PPM1H: variants seen among roughly 807,000 people sequenced by gnomAD.
PPM1H encodes the protein protein phosphatase 1H.
PPM1H carries 27 observed loss-of-function variants against 54.9 expected under a neutral mutation model. The ratio of observed to expected loss-of-function variants is 0.49; its 90% CI spans 0.36 to 0.68. The LOEUF (loss-of-function observed/expected upper bound fraction) is 0.68, where lower values mean the gene tolerates loss of function less well. Ranked by LOEUF, PPM1H falls within the 30% of genes least tolerant of loss-of-function variation. PPM1H has a pLI of 0.00. For synonymous variants in PPM1H, 305 were observed against 270.8 expected, an observed-to-expected ratio of 1.13 and a Z score of -1.24; for missense variants, 596 against 667.8, an observed-to-expected ratio of 0.89 and a Z score of 1.19.
chr12:62,826,989 AC>A (rs1868298288), intron 2 of PPM1H, among the ~76,000 whole-genome samples: 1 of 151,896 alleles, frequency 6.6e-6, no homozygotes, highest in African/African-American at 2.4e-5. Flanking sequence ...AGCTTCTAGA[AC>A]CCCACTGTCA....
chr12:62,786,481 A>G (rs1004204556), intron 4 of PPM1H, among the ~76,000 whole-genome samples: 23 of 152,332 alleles, frequency 1.5e-4, no homozygotes, highest in South Asian at 6.2e-4. Flanking sequence ...GCCGATGGGA[A>G]GGTCAGGCAA....
In PPM1H at chr12:62,698,844, T is replaced by G. The variant is rs540520055; in HGVS notation, c.1074-4845A>C. Among the ~76,000 whole-genome samples the G allele has an allele frequency of 1.2e-4, 18 of 152,286 alleles. No individual in the cohort carries two copies. In the South Asian group the frequency reaches 3.7e-3, roughly 32 times the overall value. ...TTTATAATGACACACACAATAGATA[T>G]TTTACCCTGAAGGGAGGACTCCATT... On this transcript the variant is annotated intron_variant, in intron 6 of 9. Transcript: ENST00000228705.
intron 4 of PPM1H, among the ~76,000 whole-genome samples, chr12:62,747,198 G>A (rs996492069): frequency 7.3e-5 from 11 of 151,362 alleles, no homozygotes; most frequent in Admixed American, 3.3e-4. Context: ...GTGCAATGGC[G>A]CGATCTCGGC....
At chr12:62,709,261 T>C (rs932044829) in intron 6 of PPM1H, among the ~76,000 whole-genome samples, 2 of 152,134 alleles carry the variant, frequency 1.3e-5, no homozygotes, top group South Asian at 2.1e-4. Flanking sequence ...TCAGTCTCCA[T>C]GAATGCCCCC....
At chr12:62,708,015 A>C (rs2076184698) in intron 6 of PPM1H, among the ~76,000 whole-genome samples, 2 of 152,214 alleles carry the variant, frequency 1.3e-5, no homozygotes, top group South Asian at 4.1e-4. Flanking sequence ...AAGAACAAAA[A>C]GTGAATGTGT....
At chr12:62,784,298 G>A (rs1278609734) in intron 4 of PPM1H, among the ~76,000 whole-genome samples, 1 of 152,072 alleles carries the variant, frequency 6.6e-6, no homozygotes, top group African/African-American at 2.4e-5. Flanking sequence ...TGGGATGGTC[G>A]TTGACTCAAA....
At chr12:62,789,280 G>A (rs1369667354) in intron 3 of PPM1H, among the ~76,000 whole-genome samples, 2 of 152,130 alleles carry the variant, frequency 1.3e-5, no homozygotes, top group Non-Finnish European at 2.9e-5. Context: ...CCAAAGCACT[G>A]GGCCACCATA....
intron 5 of PPM1H, among the ~76,000 whole-genome samples, chr12:62,728,832 G>A (rs75407983): frequency 0.093 from 14,161 of 152,240 alleles, 749 homozygotes; most frequent in Admixed American, 0.15. Flanking sequence ...GGGCTCCAGC[G>A]GAGGGCTGAG....
At chr12:62,856,765 A>G (rs953858613) in intron 1 of PPM1H, among the ~76,000 whole-genome samples, 1 of 152,226 alleles carries the variant, frequency 6.6e-6, no homozygotes, top group Non-Finnish European at 1.5e-5. Flanking sequence ...GCCAAACAGG[A>G]TCTGACACTG....
intron 1 of PPM1H, among the ~76,000 whole-genome samples, chr12:62,929,496 A>G (rs1872067174): frequency 6.6e-6 from 1 of 152,236 alleles, no homozygotes; most frequent in Admixed American, 6.5e-5. Context: ...CAATTCCAGT[A>G]TGCAGTTTTA....
intron 3 of PPM1H, among the ~76,000 whole-genome samples, chr12:62,799,952 G>A (rs570922566): frequency 1.3e-5 from 2 of 151,962 alleles, no homozygotes; most frequent in Non-Finnish European, 2.9e-5. Context: ...ACAATCCTCC[G>A]GCCTCAGCCT....
chr12:62,879,928 G>C (rs1260216864), intron 1 of PPM1H, among the ~76,000 whole-genome samples: 2 of 152,128 alleles, frequency 1.3e-5, no homozygotes, highest in Non-Finnish European at 2.9e-5. Flanking sequence ...TGGGCAACTA[G>C]GGTAGACAGC....
chr12:62,668,937 A>C (rs1307515369), intron 8 of PPM1H, among the ~76,000 whole-genome samples: 1 of 152,186 alleles, frequency 6.6e-6, no homozygotes, highest in Non-Finnish European at 1.5e-5. Flanking sequence ...CAAAATGTTT[A>C]CCCACAGGGC....
At chr12:62,874,467 T>C (rs1055011960) in intron 1 of PPM1H, among the ~76,000 whole-genome samples, 1 of 151,746 alleles carries the variant, frequency 6.6e-6, no homozygotes, top group Admixed American at 6.6e-5. Flanking sequence ...AGACAGTAAG[T>C]TTCTCCAGCT....
chr12:62,768,459 A>T (rs78868985), intron 4 of PPM1H, among the ~76,000 whole-genome samples: 3 of 152,032 alleles, frequency 2.0e-5, no homozygotes, highest in East Asian at 1.9e-4. Flanking sequence ...TTCGAGACCA[A>T]CCTGGCCAAC....
chr12:62,687,992 G>C lies in PPM1H; in HGVS notation c.1245+1707C>G, dbSNP rs527877686. Among the ~76,000 whole-genome samples the C allele has an allele frequency of 5.1e-5, 7 of 137,368 alleles. No individual in the cohort carries two copies. In the South Asian group the frequency reaches 1.6e-3, roughly 31 times the overall value. 90.1% of individuals were successfully genotyped at this position (137,368 alleles called of 152,430 possible). On this transcript the variant is annotated intron_variant, in intron 8 of 9. Transcript: ENST00000228705. ...CCACTGCACTCCAGCCTGGGCAACA[G>C]AGTGAGACTCCATCTCAAAAAAAAA...
intron 1 of PPM1H, among the ~76,000 whole-genome samples, chr12:62,851,333 C>A (rs1022200206): frequency 5.3e-5 from 8 of 152,098 alleles, no homozygotes; most frequent in Non-Finnish European, 8.8e-5. Flanking sequence ...CAATTAACAT[C>A]AAAAACAAAC....
intron 1 of PPM1H, among the ~76,000 whole-genome samples, chr12:62,846,739 C>A (rs1038053419): frequency 1.3e-5 from 2 of 152,124 alleles, no homozygotes; most frequent in Non-Finnish European, 2.9e-5. Flanking sequence ...TGACAAACAT[C>A]CCTTGTCCTT....
chr12:62,651,287 G>GAGAT (rs1289897703), intron 9 of PPM1H, among the ~76,000 whole-genome samples: 4 of 152,110 alleles, frequency 2.6e-5, no homozygotes, highest in African/African-American at 9.7e-5. Context: ...CATGGAAAAA[G>GAGAT]AGATAGACAG....
Sources: allele counts gnomAD v4.1 joint callset (sites outside exome capture counted in the v4.1 genomes callset), GRCh38; gene constraint gnomAD v4.1.1; transcripts MANE v1.5; gene names NCBI Gene and HGNC (gene_info 2026-07-23, HGNC 2026-07-21).